ASXL2: variants seen among roughly 807,000 people sequenced by gnomAD.
ASXL2 encodes the protein ASXL transcriptional regulator 2, also known as putative Polycomb group protein ASXL2.
A neutral mutation model predicts 122.0 loss-of-function variants in ASXL2; 23 were observed. The ratio of observed to expected loss-of-function variants is 0.19; its 90% CI spans 0.14 to 0.27. The LOEUF is 0.27. Ranked by LOEUF, ASXL2 falls within the 10% of genes least tolerant of loss-of-function variation. ASXL2 has a pLI of 1.00. For synonymous variants in ASXL2, 650 were observed against 637.0 expected (o/e 1.02, Z -0.31); for missense variants, 1,518 against 1,713.8 (o/e 0.89, Z 2.02).
At chr2:25,761,324 C>T (rs2088239080) in intron 8 of ASXL2, among the ~76,000 whole-genome samples, 1 of 152,040 alleles carries the variant, frequency 6.6e-6, no homozygotes, top group African/African-American at 2.4e-5. Flanking sequence ...GAGTGTTTAT[C>T]AAAGACAAAG....
chr2:25,805,535 A>G (rs2089068646), intron 4 of ASXL2, among the ~76,000 whole-genome samples: 2 of 151,964 alleles, frequency 1.3e-5, no homozygotes, highest in Non-Finnish European at 2.9e-5. Flanking sequence ...ATTCACCCCA[A>G]CTGTGAATTG....
At chr2:25,798,240 T>G (rs915058806) in intron 5 of ASXL2, among the ~76,000 whole-genome samples, 1 of 152,090 alleles carries the variant, frequency 6.6e-6, no homozygotes, top group South Asian at 2.1e-4. Flanking sequence ...AATTCCTGGG[T>G]GATGAAATCG....
rs915964763 is a variant in ASXL2 at position 25,768,670 on chromosome 2, CA to C, written c.631+71del. ...ATTTAAAAATAAATGATGTCATAAACAAATCAGGAAAACCAACATAAAAATA... is the reference window on the plus strand; with the variant it reads ...ATTTAAAAATAAATGATGTCATAAACAATCAGGAAAACCAACATAAAAATA... On this transcript the variant is annotated intron_variant, in intron 7 of 12. Transcript: ENST00000435504. 24 of 1,521,220 alleles carry C rather than the reference CA, an allele frequency of 1.6e-5. No individual in the cohort carries two copies. In the Admixed American group the frequency reaches 4.5e-4, roughly 29 times the overall value. 94.2% of individuals were successfully genotyped at this position (1,521,220 alleles called of 1,614,324 possible).
rs1307171996 is a variant in ASXL2, at chr2:25,749,715, C to T, written c.1841G>A (p.Arg614Gln). ...TCTTACCTTGAGAGGTGGTACTTTT[C>T]GCACCTGGATTCTGTCCCCTCTATT... ...FLNRGDRIQV[R>Q]KVPPLKIPVS... Residue 614 changes from arginine (R) to glutamine (Q), a missense_variant, in exon 12 of 13, where the codon CGA becomes CAA. Physicochemically the swap from Arg to Gln is conservative, Grantham distance 43 (BLOSUM62 1). This residue lies in a region of ASXL2 where 292 missense variants were observed against 293.5 expected (regional missense o/e 1.00). Transcript: ENST00000435504. The T allele has an allele frequency of 7.2e-6, 11 of 1,523,306 alleles. No individual in the cohort carries two copies. The highest frequency in any genetic ancestry group is 1.3e-5 in the South Asian group (1 of 74,084). 94.4% of individuals were successfully genotyped at this position (1,523,306 alleles called of 1,614,324 possible). A position where few individuals can be genotyped will look rare whatever the true frequency, so the allele number is the denominator to read the frequency against.
intron 12 of ASXL2, among the ~76,000 whole-genome samples, chr2:25,746,490 C>T (rs1184409930): frequency 7.7e-6 from 1 of 130,096 alleles, no homozygotes; most frequent in Non-Finnish European, 1.6e-5. Flanking sequence ...ATGAAAGAAA[C>T]TGCAGGGGAA....
chr2:25,810,577 C>T lies in ASXL2; in HGVS notation c.144-4240G>A, dbSNP rs150712707. The stretch of plus-strand genomic sequence containing the variant: ...AGCTTCTCGCTGGAGGTGCTCAGCT[C>T]TCTCCTCTGCATCATCTGCCTGCTG... On this transcript the variant is annotated intron_variant, in intron 3 of 12. Transcript: ENST00000435504. 2.3e-3 allele frequency: 1,652 copies of T among 725,428 alleles called. 7 individuals are homozygous for T. The highest frequency in any genetic ancestry group is 3.3e-3 in the Non-Finnish European group (1,361 of 408,348). 44.9% of individuals were successfully genotyped at this position (725,428 alleles called of 1,614,324 possible).
At position 25,736,086 on chromosome 2, in the gene ASXL2, T is replaced by C. The variant is rs2087730887; in HGVS notation, c.*5943A>G. ...TAGTGCACAGTAGGTGCTCTATAAA[T>C]ACTTGAATTAGTAAATAACATGATT... On this transcript the variant is annotated 3_prime_UTR_variant, in exon 13 of 13. Coordinates refer to ENST00000435504, the MANE Select transcript of ASXL2 (RefSeq NM_018263.6). The C allele has an allele frequency of 6.6e-6, 1 of 152,256 alleles. No homozygotes were observed. The highest frequency in any genetic ancestry group is 1.5e-5 in the Non-Finnish European group (1 of 68,036). The allele number at this position is 152,256 out of a possible 1,614,324, so 9.4% of individuals were successfully genotyped here.
At chr2:25,765,882 A>G (rs1026583661) in intron 8 of ASXL2, among the ~76,000 whole-genome samples, 17 of 152,174 alleles carry the variant, frequency 1.1e-4, no homozygotes, top group African/African-American at 3.9e-4. Context: ...AAATATTTTT[A>G]TTCTTAGCAG....
chr2:25,809,885 G>T, intron 3 of ASXL2: 2 of 501,056 alleles, frequency 4.0e-6, no homozygotes, highest in Admixed American at 4.0e-5. Flanking sequence ...TGGAATCAGG[G>T]TCAGAGGGAG....
At chr2:25,858,720 TC>T (rs1308583320) in intron 1 of ASXL2, among the ~76,000 whole-genome samples, 2 of 129,754 alleles carry the variant, frequency 1.5e-5, no homozygotes, top group Non-Finnish European at 3.5e-5. Flanking sequence ...AGACCCCGCC[TC>T]AAAAAAAAAA....
At chr2:25,759,879 TAA>T (rs1451739342) in intron 8 of ASXL2, among the ~76,000 whole-genome samples, 1 of 152,140 alleles carries the variant, frequency 6.6e-6, no homozygotes, top group Non-Finnish European at 1.5e-5. Context: ...ATAAATAGAA[TAA>T]AGTCTGTAAA....
intron 1 of ASXL2, among the ~76,000 whole-genome samples, chr2:25,861,326 A>G (rs1259525466): frequency 6.6e-6 from 1 of 152,182 alleles, no homozygotes; most frequent in Non-Finnish European, 1.5e-5. Flanking sequence ...AAATAAAGAA[A>G]TCTTGAACAA....
intron 1 of ASXL2, among the ~76,000 whole-genome samples, chr2:25,876,291 A>G (rs1205666145): frequency 2.0e-5 from 3 of 152,230 alleles, no homozygotes; most frequent in Non-Finnish European, 4.4e-5. Context: ...ATATACTAAC[A>G]TAGGAAAAGC....
At chr2:25,787,465 T>TA (rs1241370060) in intron 5 of ASXL2, among the ~76,000 whole-genome samples, 2 of 152,208 alleles carry the variant, frequency 1.3e-5, no homozygotes, top group African/African-American at 2.4e-5. Context: ...TCATGGGTAA[T>TA]ACAGTACTTT....
intron 5 of ASXL2, among the ~76,000 whole-genome samples, chr2:25,791,912 A>T (rs1408194379): frequency 6.6e-6 from 1 of 152,208 alleles, no homozygotes; most frequent in Non-Finnish European, 1.5e-5. Context: ...TGGGGTTGAC[A>T]CCTCATTCAA....
At chr2:25,852,465 G>A (rs754078595) in intron 1 of ASXL2, among the ~76,000 whole-genome samples, 1 of 152,296 alleles carries the variant, frequency 6.6e-6, no homozygotes, top group Admixed American at 6.5e-5. Flanking sequence ...TCTGAATTTT[G>A]TATAATCTAT....
In ASXL2 at chr2:25,737,524, T is replaced by C. The variant is rs1193637500; in HGVS notation, c.*4505A>G. On this transcript the variant is annotated 3_prime_UTR_variant, in exon 13 of 13. Transcript: ENST00000435504. The stretch of plus-strand genomic sequence containing the variant: ...AGTTTTACTTAAATTCCAAAAGAAA[T>C]ACACTACCCTGATTTATCACCAAGT... 1 of 152,082 alleles carries C rather than the reference T, an allele frequency of 6.6e-6. No individual in the cohort carries two copies. The highest frequency in any genetic ancestry group is 2.4e-5 in the African/African-American group (1 of 41,410). The allele number at this position is 152,082 out of a possible 1,614,324, so 9.4% of individuals were successfully genotyped here.
At position 25,787,037 on chromosome 2, in the gene ASXL2, T is replaced by C. The variant is rs577426642; in HGVS notation, c.403+12348A>G. Among the ~76,000 whole-genome samples, 28 of 151,828 alleles carry C rather than the reference T, an allele frequency of 1.8e-4. No individual in the cohort carries two copies. The South Asian group carries it at 5.4e-3, about 29-fold the overall frequency. On this transcript the variant is annotated intron_variant, in intron 5 of 12. Coordinates refer to ENST00000435504, the MANE Select transcript of ASXL2 (RefSeq NM_018263.6). ...TTCATAAATTACATATTTGTATAAG[T>C]AGACAATCATAAAACTATGTATAAA... is the stretch of plus-strand genomic sequence containing the variant.
chr2:25,742,870 G>A lies in ASXL2; in HGVS notation c.3467C>T (p.Thr1156Ile), dbSNP rs2087857264. ...PEDRFCLSSP[T>I]EALKMGYTDC... ...TGTATATCCCATTTTCAAGGCTTCA[G>A]TGGGGCTGCTTAGACAAAAACGATC... The change falls in exon 13 of 13, where the codon ACT (threonine) becomes ATT (isoleucine). Residue 1156 changes from threonine (T) to isoleucine (I), a missense_variant. Physicochemically the swap from Thr to Ile is moderately conservative, Grantham distance 89 (BLOSUM62 -1). This residue lies in a region of ASXL2 where 831 missense variants were observed against 833.1 expected (regional missense o/e 1.00). Transcript: ENST00000435504. The A allele has an allele frequency of 6.2e-7, 1 of 1,613,886 alleles. No homozygotes were observed. Among genetic ancestry groups the A allele is most frequent in the African/African-American group, 1.3e-5 (1 of 74,926 alleles).
Sources: gnomAD v4.1 joint callset for allele counts (sites outside exome capture counted in the v4.1 genomes callset) on GRCh38, gnomAD v4.1.1 for gene constraint, gnomAD v4.1.1 regional missense constraint, MANE v1.5 for transcripts, NCBI Gene and HGNC (gene_info 2026-07-23, HGNC 2026-07-21) for gene names.